FBXO9: variants seen among roughly 807,000 people sequenced by gnomAD.
The protein encoded by FBXO9 is F-box only protein 9.
FBXO9 carries 43 observed loss-of-function variants against 63.7 expected under a neutral mutation model. The observed-to-expected ratio is 0.67, with a 90% confidence interval of 0.53 to 0.87. FBXO9 has a LOEUF of 0.87. FBXO9 is among the 40% of genes least tolerant of loss of function. FBXO9 has a pLI of 0.00. For missense variants in FBXO9, 442 were observed against 533.2 expected, an observed-to-expected ratio of 0.83 and a Z score of 1.68; for synonymous variants, 156 against 171.7, an observed-to-expected ratio of 0.91 and a Z score of 0.72.
chr6:53,095,552 C>T lies in FBXO9; in HGVS notation c.1093C>T (p.Pro365Ser), dbSNP rs541857480. Residue 365 changes from proline (P) to serine (S), a missense_variant, in exon 12 of 13, where the codon CCT (proline) becomes TCT (serine). Pro to Ser is a moderately conservative substitution (Grantham distance 74). This residue lies in a region of FBXO9 where 262 missense variants were observed against 362.1 expected (regional missense o/e 0.72). Coordinates refer to ENST00000323557, the MANE Select transcript of FBXO9 (RefSeq NM_033480.3). The part of the protein sequence containing the change: ...DYKYRYFRRV[P>S]VQEADQSFHV... ...TAAATACAGATATTTTCGTCGTGTC[C>T]CTGTACAAGAAGCAGATCAGAGTTT... The T allele has an allele frequency of 2.5e-6, 4 of 1,612,728 alleles. No homozygotes were observed. The South Asian group carries it at 3.3e-5, about 13-fold the overall frequency.
chr6:53,076,477 T>A lies in FBXO9; in HGVS notation c.250-9T>A. ...GGTTTTCAAAAATTTTTACTTTATA[T>A]TTTTATAGGCTCGAGAACTCTTCCT... On this transcript the variant is annotated splice_polypyrimidine_tract_variant and intron_variant, in intron 3 of 12. Transcript: ENST00000323557. 6.5e-7 allele frequency: 1 copy of A among 1,527,062 alleles called. No individual in the cohort carries two copies. The highest frequency in any genetic ancestry group is 8.7e-7 in the Non-Finnish European group (1 of 1,144,542). The allele number at this position is 1,527,062 out of a possible 1,614,324, so 94.6% of individuals were successfully genotyped here. A position where few individuals can be genotyped will look rare whatever the true frequency, so the allele number is the denominator to read the frequency against.
chr6:53,082,751 G>A (rs1581819798), intron 7 of FBXO9, 133 bp downstream of exon 7: 1 of 626,530 alleles, frequency 1.6e-6, no homozygotes. Flanking sequence ...GTTTTGCTAA[G>A]CTGTACTTAA....
At chr6:53,076,403 A>G (rs1769110032) in intron 3 of FBXO9, 83 bp from the exon 4 acceptor site, 3 of 855,196 alleles carry the variant, frequency 3.5e-6, no homozygotes, top group African/African-American at 1.8e-5. Flanking sequence ...ATTTTGCACA[A>G]TTTATTAAAA....
At chr6:53,097,143 CT>C (rs1015748584) in intron 12 of FBXO9, among the ~76,000 whole-genome samples, 1 of 152,092 alleles carries the variant, frequency 6.6e-6, no homozygotes, top group Admixed American at 6.6e-5. Context: ...TTACCACCTA[CT>C]TTCCCTCCCC....
At chr6:53,093,014 CTT>C (rs1763090385) in intron 9 of FBXO9, 190 bp downstream of exon 9, 2 of 453,102 alleles carry the variant, frequency 4.4e-6, no homozygotes. Flanking sequence ...CTTCTGGCCT[CTT>C]TTAGATTTCT....
At chr6:53,069,652 A>G (rs1036837247) in intron 1 of FBXO9, among the ~76,000 whole-genome samples, 1 of 152,254 alleles carries the variant, frequency 6.6e-6, no homozygotes, top group African/African-American at 2.4e-5. Flanking sequence ...TAGCTTCTAC[A>G]GAAAAACGAC....
At chr6:53,068,098 CT>C (rs11294652) in intron 1 of FBXO9, 126,619 of 151,504 alleles carry the variant, frequency 0.84, 52,998 homozygotes, top group East Asian at 0.93. Flanking sequence ...CCTCCCCCCC[CT>C]GGCCGCCCTG....
At chr6:53,077,282 G>T (rs909643634) in intron 4 of FBXO9, among the ~76,000 whole-genome samples, 1 of 151,744 alleles carries the variant, frequency 6.6e-6, no homozygotes, top group African/African-American at 2.4e-5. Context: ...AGACCATCCC[G>T]GCTAAAACGG....
At chr6:53,078,072 T>G (rs1464400054) in intron 4 of FBXO9, among the ~76,000 whole-genome samples, 3 of 152,140 alleles carry the variant, frequency 2.0e-5, no homozygotes, top group African/African-American at 7.2e-5. Flanking sequence ...AAAGGATAAT[T>G]TAAAAACAAA....
chr6:53,088,169 A>C (rs1393201496), intron 7 of FBXO9, among the ~76,000 whole-genome samples: 2 of 152,148 alleles, frequency 1.3e-5, no homozygotes, highest in Non-Finnish European at 2.9e-5. Context: ...CCATATTTTG[A>C]AATAAACTTT....
At chr6:53,078,252 A>C (rs990322674) in intron 4 of FBXO9, among the ~76,000 whole-genome samples, 2 of 152,122 alleles carry the variant, frequency 1.3e-5, no homozygotes, top group Non-Finnish European at 2.9e-5. Flanking sequence ...CCAGGAGTTC[A>C]AGACCAGCCT....
rs1293968946 is a variant in FBXO9, at chr6:53,092,801, C to T, written c.840C>T (p.Ala280=). 6 of 1,611,408 alleles carry T rather than the reference C, an allele frequency of 3.7e-6. No individual in the cohort carries two copies. Among genetic ancestry groups the T allele is most frequent in the Non-Finnish European group, 5.1e-6 (6 of 1,178,272 alleles). The change falls in exon 9 of 13, where the codon GCC becomes GCT. Residue 280 remains alanine (A), a synonymous_variant. Transcript: ENST00000323557. The part of the protein sequence containing the change: ...GEQSLDGFYR[A]WHQVEYYRYI... ...AGTCTCTTGATGGTTTCTATAGAGC[C>T]TGGCACCAAGTGGAATATTACAGGT... is the stretch of plus-strand genomic sequence containing the variant.
rs985855587 is a variant in FBXO9, at chr6:53,065,725, C to T, written c.-65C>T. The T allele has an allele frequency of 7.0e-6, 10 of 1,429,974 alleles. No homozygotes were observed. Among genetic ancestry groups the T allele is most frequent in the African/African-American group, 3.0e-5 (2 of 67,604 alleles). The allele number at this position is 1,429,974 out of a possible 1,614,324, so 88.6% of individuals were successfully genotyped here. The stretch of plus-strand genomic sequence containing the variant: ...AGACACCCGGACACCCAGCACCCCT[C>T]CTCCGGGGGGCGGTGCAGAGGGGGC... On this transcript the variant is annotated 5_prime_UTR_variant, in exon 1 of 13. Transcript: ENST00000323557.
intron 1 of FBXO9, among the ~76,000 whole-genome samples, chr6:53,067,740 G>C (rs1027516372): frequency 6.6e-6 from 1 of 152,080 alleles, no homozygotes; most frequent in African/African-American, 2.4e-5. Flanking sequence ...GGATTTATAC[G>C]CTCAGTCTTT....
intron 7 of FBXO9, among the ~76,000 whole-genome samples, chr6:53,089,327 G>T (rs944405345): frequency 6.6e-6 from 1 of 151,722 alleles, no homozygotes; most frequent in Non-Finnish European, 1.5e-5. Flanking sequence ...CGCCTGCCTC[G>T]GCCTCCCAAA....
intron 3 of FBXO9, among the ~76,000 whole-genome samples, chr6:53,074,292 T>G (rs1769023685): frequency 6.6e-6 from 1 of 152,204 alleles, no homozygotes. Context: ...TAATTAGTCA[T>G]CAAATAATTG....
At chr6:53,092,654 T>G (rs1360889145) in intron 8 of FBXO9, 80 bp from the exon 9 acceptor site, 1 of 1,420,000 alleles carries the variant, frequency 7.0e-7, no homozygotes, top group Non-Finnish European at 9.8e-7. Context: ...TGTAAGCATG[T>G]TTAAAGGAAA....
At chr6:53,075,384 T>C (rs1004911793) in intron 3 of FBXO9, among the ~76,000 whole-genome samples, 4 of 151,276 alleles carry the variant, frequency 2.6e-5, no homozygotes, top group African/African-American at 9.7e-5. Flanking sequence ...ATATTAGCAA[T>C]CTAGCTGGGT....
At position 53,097,482 on chromosome 6, in the gene FBXO9, C is replaced by T. The variant is rs547959486; in HGVS notation, c.1206-240C>T. ...AATAAAAAGAATTACTAAGTTTGAT[C>T]TCAAGAAACACTAGAAAATATCCTT... On this transcript the variant is annotated intron_variant, in intron 12 of 12. Transcript: ENST00000323557. Among the ~76,000 whole-genome samples, 8 of 152,182 alleles carry T rather than the reference C, an allele frequency of 5.3e-5. No individual in the cohort carries two copies. In the South Asian group the frequency reaches 1.7e-3, roughly 32 times the overall value.
Sources: gnomAD v4.1 joint callset for allele counts (sites outside exome capture counted in the v4.1 genomes callset) on GRCh38, gnomAD v4.1.1 for gene constraint, gnomAD v4.1.1 regional missense constraint, MANE v1.5 for transcripts, NCBI Gene and HGNC (gene_info 2026-07-23, HGNC 2026-07-21) for gene names.